The following RSPO3 variants were observed in gnomAD, a reference collection of about 807,000 sequenced individuals.
The protein encoded by RSPO3 is R-spondin 3.
A neutral mutation model predicts 36.5 loss-of-function variants in RSPO3; 17 were observed. The observed-to-expected ratio is 0.47, with a 90% CI of 0.32 to 0.70. The LOEUF is 0.70. Ranked by LOEUF, RSPO3 falls within the 30% of genes least tolerant of loss-of-function variation. The pLI is 0.04. For missense variants in RSPO3, 294 were observed against 322.5 expected (o/e 0.91, Z 0.68); for synonymous variants, 108 against 107.0 (o/e 1.01, Z -0.06).
At chr6:127,140,905 C>A (rs1258306828) in intron 1 of RSPO3, among the ~76,000 whole-genome samples, 1 of 152,172 alleles carries the variant, frequency 6.6e-6, no homozygotes, top group Non-Finnish European at 1.5e-5. Flanking sequence ...CATAATGACT[C>A]CTCCTTATTC....
intron 4 of RSPO3, among the ~76,000 whole-genome samples, chr6:127,160,348 T>C (rs1222966763): frequency 6.6e-6 from 1 of 152,204 alleles, no homozygotes; most frequent in African/African-American, 2.4e-5. Flanking sequence ...ATGTAGGCAC[T>C]ACCAATGCAG....
In RSPO3 at chr6:127,199,167, T is replaced by C. The variant is rs1775571580; in HGVS notation, c.*3160T>C. 6.6e-6 allele frequency among the ~76,000 whole-genome samples: 1 copy of C among 152,338 alleles called. No individual in the cohort carries two copies. Among genetic ancestry groups the C allele is most frequent in the East Asian group, 1.9e-4 (1 of 5,186 alleles). On this transcript the variant is annotated 3_prime_UTR_variant, in exon 5 of 5. Coordinates refer to ENST00000356698, the MANE Select transcript of RSPO3 (RefSeq NM_032784.5). ...CTAACTGGTTGCAGCTTGTGTGACC[T>C]TGGGCACATTGTATGATCTCGCAGA... is the stretch of plus-strand genomic sequence containing the variant.
intron 4 of RSPO3, among the ~76,000 whole-genome samples, chr6:127,184,514 G>A (rs1387426080): frequency 1.3e-5 from 2 of 151,870 alleles, no homozygotes; most frequent in Non-Finnish European, 2.9e-5. Context: ...CGTTAATGTT[G>A]GGAGGGAAAG....
chr6:127,132,735 G>A (rs1774083198), intron 1 of RSPO3, among the ~76,000 whole-genome samples: 1 of 152,084 alleles, frequency 6.6e-6, no homozygotes, highest in Admixed American at 6.6e-5. Flanking sequence ...TAGGCCTCAA[G>A]AGGTGAAAGC....
chr6:127,164,227 C>A (rs1396028958), intron 4 of RSPO3, among the ~76,000 whole-genome samples: 2 of 152,012 alleles, frequency 1.3e-5, no homozygotes, highest in African/African-American at 2.4e-5. Context: ...AAAATGCCTG[C>A]AGTTGAAGCC....
At chr6:127,159,057 T>C (rs1327257306) in intron 4 of RSPO3, among the ~76,000 whole-genome samples, 1 of 152,120 alleles carries the variant, frequency 6.6e-6, no homozygotes, top group Non-Finnish European at 1.5e-5. Context: ...TGCCAGGTTT[T>C]ATTTATTGAC....
intron 4 of RSPO3, among the ~76,000 whole-genome samples, chr6:127,171,115 T>C (rs1324452371): frequency 6.6e-6 from 1 of 151,852 alleles, no homozygotes; most frequent in Non-Finnish European, 1.5e-5. Flanking sequence ...AGTAGCTCTA[T>C]ACCAAAGTAC....
intron 3 of RSPO3, among the ~76,000 whole-genome samples, chr6:127,152,787 G>C (rs1582797094): frequency 6.6e-6 from 1 of 152,100 alleles, no homozygotes; most frequent in African/African-American, 2.4e-5. Context: ...AATTTTATAA[G>C]AGAACATATT....
chr6:127,135,418 A>T (rs1328889503), intron 1 of RSPO3, among the ~76,000 whole-genome samples: 10 of 29,684 alleles, frequency 3.4e-4, no homozygotes, highest in African/African-American at 1.6e-3. Flanking sequence ...AGAATCCATA[A>T]AAAAAAAAAA....
chr6:127,142,561 G>A (rs79695302), intron 1 of RSPO3, among the ~76,000 whole-genome samples: 2,749 of 152,114 alleles, frequency 0.018, 74 homozygotes, highest in African/African-American at 0.06. Context: ...AAGAAAAATC[G>A]CCACATTTTC....
Position 127,197,010 on chromosome 6 carries a change from C to T in RSPO3, c.*1003C>T, listed in dbSNP as rs991911942. 1.3e-5 allele frequency: 2 copies of T among 158,926 alleles called. No homozygotes were observed. Among genetic ancestry groups the T allele is most frequent in the African/African-American group, 4.8e-5 (2 of 41,468 alleles). 9.8% of individuals were successfully genotyped at this position (158,926 alleles called of 1,614,324 possible). On this transcript the variant is annotated 3_prime_UTR_variant, in exon 5 of 5. Transcript: ENST00000356698. Reference sequence around the variant, plus strand: ...TATCTAGTAGGGGAGAAAGCCACCACAATAAATATATTTGTTAATAGTTTT... The same window carrying T: ...TATCTAGTAGGGGAGAAAGCCACCATAATAAATATATTTGTTAATAGTTTT...
Position 127,197,452 on chromosome 6 carries a change from C to T in RSPO3, c.*1445C>T, listed in dbSNP as rs1562257679. ...GGATTGAAGTCACCCTAGCTGAAGG[C>T]CTCACCAGTGTTTCACAGAGGACAC... is the stretch of plus-strand genomic sequence containing the variant. On this transcript the variant is annotated 3_prime_UTR_variant, in exon 5 of 5. Transcript: ENST00000356698. The T allele has an allele frequency of 4.5e-6, 7 of 1,550,560 alleles. No individual in the cohort carries two copies. The highest frequency in any genetic ancestry group is 2.0e-5 in the Admixed American group (1 of 50,990).
At chr6:127,170,076 T>C (rs1774905411) in intron 4 of RSPO3, among the ~76,000 whole-genome samples, 1 of 151,734 alleles carries the variant, frequency 6.6e-6, no homozygotes, top group Non-Finnish European at 1.5e-5. Context: ...TCTGAGAAGG[T>C]CTGCCAAAAA....
chr6:127,194,315 A>G (rs1775469734), intron 4 of RSPO3, among the ~76,000 whole-genome samples: 1 of 152,172 alleles, frequency 6.6e-6, no homozygotes, highest in African/African-American at 2.4e-5. Flanking sequence ...AAAGTTACTT[A>G]TTTTAGACAG....
At chr6:127,160,952 TA>T (rs1272252690) in intron 4 of RSPO3, among the ~76,000 whole-genome samples, 2 of 152,212 alleles carry the variant, frequency 1.3e-5, no homozygotes, top group African/African-American at 4.8e-5. Context: ...TTTTATTTGA[TA>T]TTTTTTTCTC....
chr6:127,187,299 C>A (rs1433470095), intron 4 of RSPO3, among the ~76,000 whole-genome samples: 2 of 152,116 alleles, frequency 1.3e-5, no homozygotes, highest in Non-Finnish European at 1.5e-5. Flanking sequence ...GGACGCCCCA[C>A]TGACTAAATT....
chr6:127,188,401 C>T (rs1488886456), intron 4 of RSPO3, among the ~76,000 whole-genome samples: 1 of 152,050 alleles, frequency 6.6e-6, no homozygotes, highest in African/African-American at 2.4e-5. Flanking sequence ...AATAGGACTG[C>T]ATTCAAACCT....
At chr6:127,193,421 G>A (rs1435683366) in intron 4 of RSPO3, among the ~76,000 whole-genome samples, 1 of 152,156 alleles carries the variant, frequency 6.6e-6, no homozygotes, top group East Asian at 1.9e-4. Flanking sequence ...TAAGATGTTG[G>A]ACCGTCATCA....
intron 4 of RSPO3, among the ~76,000 whole-genome samples, chr6:127,169,772 G>T (rs1009843233): frequency 6.6e-6 from 1 of 151,780 alleles, no homozygotes; most frequent in African/African-American, 2.4e-5. Context: ...GAACTGTGTT[G>T]ACGGTGTTAA....
Sources: gnomAD v4.1 joint callset for allele counts (sites outside exome capture counted in the v4.1 genomes callset) on GRCh38, gnomAD v4.1.1 for gene constraint, MANE v1.5 for transcripts, NCBI Gene and HGNC (gene_info 2026-07-23, HGNC 2026-07-21) for gene names.